Variants in ZNF423 observed in about 807,000 individuals in gnomAD.
ZNF423 encodes Ebf-associated zinc finger protein.
A neutral mutation model predicts 95.8 loss-of-function variants in ZNF423; 12 were observed. The observed-to-expected ratio is 0.13, with a 90% CI of 0.08 to 0.20. The LOEUF (loss-of-function observed/expected upper bound fraction) is 0.20, where lower values mean the gene tolerates loss of function less well. Ranked by LOEUF, ZNF423 falls within the 10% of genes least tolerant of loss-of-function variation. The pLI is 1.00. For synonymous variants in ZNF423, 749 were observed against 711.9 expected, an observed-to-expected ratio of 1.05 and a Z score of -0.83; for missense variants, 1,316 against 1,737.1, an observed-to-expected ratio of 0.76 and a Z score of 4.31.
intron 5 of ZNF423, among the ~76,000 whole-genome samples, chr16:49,568,404 T>C (rs1970258152): frequency 6.6e-6 from 1 of 152,120 alleles, no homozygotes; most frequent in South Asian, 2.1e-4. Context: ...GCTGGGCCTG[T>C]TGCACCTTAA....
At chr16:49,526,607 G>A (rs889660361) in intron 5 of ZNF423, among the ~76,000 whole-genome samples, 4 of 152,214 alleles carry the variant, frequency 2.6e-5, no homozygotes, top group African/African-American at 9.6e-5. Flanking sequence ...CGGGCTGCAG[G>A]AGGACAGAGG....
chr16:49,535,651 T>C (rs925647143), intron 5 of ZNF423, among the ~76,000 whole-genome samples: 2 of 152,188 alleles, frequency 1.3e-5, no homozygotes, highest in Non-Finnish European at 2.9e-5. Flanking sequence ...AGAACTTCTC[T>C]GCCTGCACAT....
At chr16:49,666,505 T>G (rs1480218379) in intron 3 of ZNF423, among the ~76,000 whole-genome samples, 1 of 152,224 alleles carries the variant, frequency 6.6e-6, no homozygotes. Context: ...GGTTGCCTAT[T>G]CCACACACAT....
At chr16:49,821,324 G>A (rs2034937438) in intron 1 of ZNF423, among the ~76,000 whole-genome samples, 1 of 152,146 alleles carries the variant, frequency 6.6e-6, no homozygotes, top group African/African-American at 2.4e-5. Flanking sequence ...GTCATCTGGG[G>A]CTGGCTTTAG....
intron 3 of ZNF423, among the ~76,000 whole-genome samples, chr16:49,667,673 G>A (rs1467298625): frequency 1.3e-5 from 2 of 152,234 alleles, no homozygotes; most frequent in Non-Finnish European, 2.9e-5. Context: ...CTTGAGCCCA[G>A]GAGTTCAAGA....
At chr16:49,526,995 G>T (rs1968636315) in intron 5 of ZNF423, among the ~76,000 whole-genome samples, 1 of 152,228 alleles carries the variant, frequency 6.6e-6, no homozygotes, top group Non-Finnish European at 1.5e-5. Flanking sequence ...TGCCCTTAAA[G>T]GCAAGAATTA....
chr16:49,702,171 A>G (rs889989869), intron 3 of ZNF423, among the ~76,000 whole-genome samples: 1 of 152,208 alleles, frequency 6.6e-6, no homozygotes, highest in African/African-American at 2.4e-5. Context: ...TTTACAAAAC[A>G]TGTGTTGCTG....
At chr16:49,715,464 G>A (rs1051951565) in intron 3 of ZNF423, among the ~76,000 whole-genome samples, 2 of 152,240 alleles carry the variant, frequency 1.3e-5, no homozygotes, top group South Asian at 4.1e-4. Context: ...AACTGAGGCC[G>A]GGCACGGCAG....
At chr16:49,658,119 G>A (rs1006079361) in intron 3 of ZNF423, among the ~76,000 whole-genome samples, 2 of 152,230 alleles carry the variant, frequency 1.3e-5, no homozygotes, top group Admixed American at 1.3e-4. Flanking sequence ...AAACATGCAT[G>A]AACCACCAGA....
intron 3 of ZNF423, among the ~76,000 whole-genome samples, chr16:49,673,076 G>T (rs8049248): frequency 6.6e-6 from 1 of 152,184 alleles, no homozygotes; most frequent in Non-Finnish European, 1.5e-5. Context: ...CCACCCCGCC[G>T]TGGTACACAG....
At chr16:49,835,171 A>G (rs2035104179) in intron 1 of ZNF423, among the ~76,000 whole-genome samples, 1 of 151,972 alleles carries the variant, frequency 6.6e-6, no homozygotes, top group Non-Finnish European at 1.5e-5. Flanking sequence ...CCTCTTCCAG[A>G]GCCCCCACAC....
intron 5 of ZNF423, among the ~76,000 whole-genome samples, chr16:49,574,103 G>T (rs978770193): frequency 6.6e-6 from 1 of 152,210 alleles, no homozygotes; most frequent in Admixed American, 6.5e-5. Context: ...AAGATTACAG[G>T]CTGGGTGCAA....
intron 7 of ZNF423, among the ~76,000 whole-genome samples, chr16:49,521,500 G>A (rs1042227372): frequency 5.9e-5 from 9 of 152,142 alleles, no homozygotes; most frequent in Non-Finnish European, 8.8e-5. Context: ...TGGCATCAAC[G>A]CCTAGCTGTC....
chr16:49,825,418 C>T (rs1455030649), intron 1 of ZNF423, among the ~76,000 whole-genome samples: 1 of 152,030 alleles, frequency 6.6e-6, no homozygotes, highest in East Asian at 1.9e-4. Flanking sequence ...AGCTCCCATT[C>T]TCTCTTTCTC....
intron 3 of ZNF423, among the ~76,000 whole-genome samples, chr16:49,718,026 G>A (rs1469935728): frequency 5.3e-5 from 8 of 152,300 alleles, no homozygotes; most frequent in Admixed American, 5.2e-4. Context: ...GAGGGGCCCA[G>A]TAAGCTACAC....
At position 49,709,330 on chromosome 16, in the gene ZNF423, AAC is replaced by A. The variant is rs546418931; in HGVS notation, c.301+21439_301+21440del. Among the ~76,000 whole-genome samples the A allele has an allele frequency of 4.5e-3, 683 of 152,016 alleles. 8 individuals are homozygous for A. Among genetic ancestry groups the A allele is most frequent in the African/African-American group, 0.016 (652 of 41,432 alleles). On this transcript the variant is annotated intron_variant, in intron 3 of 7. Coordinates refer to ENST00000563137, the MANE Select transcript of ZNF423 (RefSeq NM_001379286.1). ...CAGCAGGTGCCACCCTGCTCGGTGT[AAC>A]AGAGGCACACAAATCTGACTCTTCC...
At chr16:49,765,213 A>G (rs528834356) in intron 2 of ZNF423, among the ~76,000 whole-genome samples, 1 of 152,244 alleles carries the variant, frequency 6.6e-6, no homozygotes, top group South Asian at 2.1e-4. Flanking sequence ...ACTGAGTAGA[A>G]CAGTGTTTGC....
upstream of ZNF423, among the ~76,000 whole-genome samples, chr16:49,858,489 G>C (rs181649157): frequency 1.1e-4 from 17 of 152,004 alleles, 1 homozygote; most frequent in East Asian, 1.8e-3. The surrounding 1 kb of genome is among the most constrained non-coding windows in gnomAD (Gnocchi z 4.3). Flanking sequence ...CAGAGGTAGA[G>C]TCGGGTGACG....
At chr16:49,780,796 A>C (rs2034199849) in intron 2 of ZNF423, among the ~76,000 whole-genome samples, 1 of 152,244 alleles carries the variant, frequency 6.6e-6, no homozygotes, top group Non-Finnish European at 1.5e-5. Context: ...AGCTAATGAG[A>C]AACTCCCCAG....
Sources: allele counts gnomAD v4.1 joint callset (sites outside exome capture counted in the v4.1 genomes callset), GRCh38; gene constraint gnomAD v4.1.1; non-coding constraint Gnocchi (gnomAD v3.1); transcripts MANE v1.5; gene names NCBI Gene and HGNC (gene_info 2026-07-23, HGNC 2026-07-21).